The following CNTRL variants were observed in gnomAD, a reference collection of about 807,000 sequenced individuals.
The protein encoded by CNTRL is centriolin.
A neutral mutation model predicts 303.7 loss-of-function variants in CNTRL; 233 were observed. The observed-to-expected ratio is 0.77, with a 90% CI of 0.69 to 0.86. The LOEUF (loss-of-function observed/expected upper bound fraction) is 0.86, where lower values mean the gene tolerates loss of function less well. CNTRL is among the 40% of genes least tolerant of loss of function. The pLI is 0.00. For synonymous variants in CNTRL, 900 were observed against 922.2 expected, an observed-to-expected ratio of 0.98 and a Z score of 0.44; for missense variants, 2,524 against 2,650.6, an observed-to-expected ratio of 0.95 and a Z score of 1.05.
At chr9:121,171,708 G>A (rs1327046557) in intron 40 of CNTRL, 160 bp downstream of exon 40, 1 of 553,598 alleles carries the variant, frequency 1.8e-6, no homozygotes, top group African/African-American at 1.9e-5. Context: ...TTAAAATTTA[G>A]AAACACACCT....
intron 25 of CNTRL, 89 bp downstream of exon 25, chr9:121,150,572 A>T (rs886529760): frequency 8.2e-7 from 1 of 1,222,180 alleles, no homozygotes; most frequent in Non-Finnish European, 1.2e-6. Context: ...CCTATTTATG[A>T]CTGGATTATA....
In CNTRL at chr9:121,177,420, CTTT is replaced by C. The variant is rs958819283; in HGVS notation, c.*243_*245del. 4.0e-5 allele frequency: 14 copies of C among 346,576 alleles called. No individual in the cohort carries two copies. The highest frequency in any genetic ancestry group is 2.0e-4 in the Admixed American group (4 of 20,010). 21.5% of individuals were successfully genotyped at this position (346,576 alleles called of 1,614,324 possible). Reference sequence around the variant, plus strand: ...AATTTAAACCAACATGTGGCTGAGCCTTTTTTTTTTTAATCTTCGTAACATGTT... The same window carrying C: ...AATTTAAACCAACATGTGGCTGAGCCTTTTTTTTAATCTTCGTAACATGTT... On this transcript the variant is annotated 3_prime_UTR_variant, in exon 44 of 44. Transcript: ENST00000373855.
chr9:121,078,845 T>G (rs1409890677), intron 1 of CNTRL, among the ~76,000 whole-genome samples: 1 of 152,198 alleles, frequency 6.6e-6, no homozygotes, highest in Non-Finnish European at 1.5e-5. Context: ...GTAAGGCAGG[T>G]GGGAAGGGGC....
At chr9:121,136,389 A>C (rs1208303463) in intron 15 of CNTRL, among the ~76,000 whole-genome samples, 1 of 152,036 alleles carries the variant, frequency 6.6e-6, no homozygotes, top group Non-Finnish European at 1.5e-5. Flanking sequence ...GGCTCACTGC[A>C]ACCTCCGCCT....
At position 121,088,392 on chromosome 9, in the gene CNTRL, T is replaced by G. The variant is rs1255643586; in HGVS notation, c.66T>G (p.Pro22=). The change falls in exon 3 of 44, where the codon CCT becomes CCG. Residue 22 remains proline, a synonymous_variant. Coordinates refer to ENST00000373855, the MANE Select transcript of CNTRL (RefSeq NM_007018.6). ...KAKIPSSSHS[P]IPSSMSNMRS... ...AGATACCATCATCATCTCACTCTCC[T>G]ATCCCATCATCTATGTCCAATATGA... 5 of 1,613,258 alleles carry G rather than the reference T, an allele frequency of 3.1e-6. No homozygotes were observed. Among genetic ancestry groups the G allele is most frequent in the Middle Eastern group, 1.6e-4 (1 of 6,078 alleles).
Position 121,138,639 on chromosome 9 carries a change from A to G in CNTRL, c.2297A>G (p.Gln766Arg). The G allele has an allele frequency of 1.4e-5, 22 of 1,614,000 alleles. No individual in the cohort carries two copies. Among genetic ancestry groups the G allele is most frequent in the Non-Finnish European group, 1.9e-5 (22 of 1,179,866 alleles). The change falls in exon 16 of 44, where the codon CAA becomes CGA. Residue 766 changes from glutamine to arginine, a missense_variant. Coordinates refer to ENST00000373855, the MANE Select transcript of CNTRL (RefSeq NM_007018.6). ...GCCCAGTTCTCAGAAGAAAAGGAGC[A>G]AGAGAACAGTGAGCTCCATGCAAAA... ...GKAQFSEEKE[Q>R]ENSELHAKLK...
At chr9:121,128,225 C>G (rs2050648646) in intron 14 of CNTRL, among the ~76,000 whole-genome samples, 1 of 152,218 alleles carries the variant, frequency 6.6e-6, no homozygotes, top group Non-Finnish European at 1.5e-5. Context: ...GCCACATTGT[C>G]TTCCACAAAG....
intron 15 of CNTRL, among the ~76,000 whole-genome samples, chr9:121,136,760 G>A (rs2051220975): frequency 1.3e-5 from 2 of 152,200 alleles, no homozygotes; most frequent in African/African-American, 2.4e-5. Context: ...CAGGTACTGT[G>A]GATTCTCTAG....
chr9:121,135,345 A>T (rs957082443), intron 14 of CNTRL, among the ~76,000 whole-genome samples: 1 of 152,234 alleles, frequency 6.6e-6, no homozygotes, highest in Non-Finnish European at 1.5e-5. Flanking sequence ...CTAGCTACAT[A>T]GCCCTGTGCA....
chr9:121,163,328 A>AAT (rs981878562), intron 34 of CNTRL, among the ~76,000 whole-genome samples: 105 of 146,572 alleles, frequency 7.2e-4, no homozygotes, highest in Non-Finnish European at 1.2e-3. Context: ...TCAAAAAAAA[A>AAT]ATATATATAT....
At chr9:121,105,506 A>G (rs2049423270) in intron 7 of CNTRL, among the ~76,000 whole-genome samples, 1 of 152,256 alleles carries the variant, frequency 6.6e-6, no homozygotes, top group Non-Finnish European at 1.5e-5. Flanking sequence ...TGGACTAGTC[A>G]TACAAATTTT....
At chr9:121,099,277 C>A (rs1475086027) in intron 7 of CNTRL, among the ~76,000 whole-genome samples, 1 of 152,180 alleles carries the variant, frequency 6.6e-6, no homozygotes, top group African/African-American at 2.4e-5. Flanking sequence ...ACTGGTGATA[C>A]CCAGGCAAAC....
chr9:121,104,694 A>ATTTT (rs10693661), intron 7 of CNTRL, among the ~76,000 whole-genome samples: 10,371 of 96,248 alleles, frequency 0.11, 967 homozygotes, highest in Middle Eastern at 0.18. Flanking sequence ...GCCACTGGCA[A>ATTTT]TTTTTTTTTT....
chr9:121,123,935 A>G lies in CNTRL; in HGVS notation c.1655A>G (p.His552Arg). ...TGATTTTTTTTTTTAATTCAGTCCC[A>G]TATGAAGGCTCAAAAGAGCGGTAAA... ...SLDSKDPKHSHMKAQKSGKEQ... is the reference protein window; with the variant it reads ...SLDSKDPKHSRMKAQKSGKEQ... Residue 552 changes from histidine to arginine, a missense_variant, in exon 13 of 44, where the codon CAT (histidine) becomes CGT (arginine). By Grantham distance (29) the His-to-Arg change is conservative. Coordinates refer to ENST00000373855, the MANE Select transcript of CNTRL (RefSeq NM_007018.6). 6.3e-7 allele frequency: 1 copy of G among 1,592,632 alleles called. No individual in the cohort carries two copies. The highest frequency in any genetic ancestry group is 1.2e-5 in the South Asian group (1 of 86,156).
chr9:121,119,242 G>A (rs1469303364), intron 12 of CNTRL, among the ~76,000 whole-genome samples: 1 of 151,434 alleles, frequency 6.6e-6, no homozygotes, highest in Non-Finnish European at 1.5e-5. Flanking sequence ...GTATTGCAGA[G>A]CAAGGGAGAT....
Position 121,140,642 on chromosome 9 carries a change from AT to A in CNTRL, c.2340del (p.Asp780GlufsTer6). ...ELHAKLKHLQ[D>X]DNNLLKQQLK... is the part of the protein sequence containing the mutation. ...TCCCTATTTCATCCCCCTCCATAGG[AT>A]GACAATAATCTGTTAAAACAGCAAC... On this transcript the variant is annotated frameshift_variant and splice_region_variant, in exon 17 of 44. Transcript: ENST00000373855. LOFTEE classifies it high-confidence loss of function. The A allele has an allele frequency of 6.2e-7, 1 of 1,606,760 alleles. No individual in the cohort carries two copies. Among genetic ancestry groups the A allele is most frequent in the Non-Finnish European group, 8.5e-7 (1 of 1,175,604 alleles).
chr9:121,080,821 A>G (rs370893079), intron 2 of CNTRL, among the ~76,000 whole-genome samples: 69 of 152,342 alleles, frequency 4.5e-4, no homozygotes, highest in Admixed American at 1.2e-3. Context: ...CTGGCCCATC[A>G]TAAAGGTCAT....
At chr9:121,154,588 A>G (rs2052460348) in intron 26 of CNTRL, 133 bp from the exon 27 acceptor site, 4 of 588,894 alleles carry the variant, frequency 6.8e-6, no homozygotes, top group East Asian at 2.9e-5. Flanking sequence ...AACAAAATCA[A>G]ATGTAGCAGT....
chr9:121,114,994 G>C lies in CNTRL; in HGVS notation c.1346-97G>C, dbSNP rs41308908. The C allele has an allele frequency of 4.5e-3, 3,052 of 685,148 alleles. 12 individuals are homozygous for C. The highest frequency in any genetic ancestry group is 6.4e-3 in the Non-Finnish European group (2,592 of 403,536). 42.4% of individuals were successfully genotyped at this position (685,148 alleles called of 1,614,324 possible). A position where few individuals can be genotyped will look rare whatever the true frequency, so the allele number is the denominator to read the frequency against. On this transcript the variant is annotated intron_variant, in intron 10 of 43. Transcript: ENST00000373855. ...TATAATGACAGTTTAATAGAGCAGG[G>C]AGAAGGTTATTACAAAGAAAGAATA...
Sources: allele counts gnomAD v4.1 joint callset (sites outside exome capture counted in the v4.1 genomes callset), GRCh38; gene constraint gnomAD v4.1.1; transcripts MANE v1.5; gene names NCBI Gene and HGNC (gene_info 2026-07-23, HGNC 2026-07-21).